The following PRDM16 variants were observed in gnomAD, a reference collection of about 807,000 sequenced individuals.
PRDM16 encodes histone-lysine N-methyltransferase PRDM16.
Under a neutral mutation model 110.6 loss-of-function variants are expected in PRDM16, and 23 were observed. The observed-to-expected ratio is 0.21, with a 90% CI of 0.15 to 0.29. The LOEUF is 0.29. Among genes scored for constraint, PRDM16 ranks in the 10% least tolerant of loss-of-function variants. The probability of loss-of-function intolerance (pLI) is 1.00; values close to 1 mark genes in which losing one functional copy is unlikely to be tolerated. For synonymous variants in PRDM16, 799 were observed against 781.8 expected, an observed-to-expected ratio of 1.02 and a Z score of -0.37; for missense variants, 1,615 against 1,794.3, an observed-to-expected ratio of 0.90 and a Z score of 1.81.
In PRDM16 at chr1:3,209,398, G is replaced by A. The variant is rs992094272; in HGVS notation, c.387+22924G>A. On this transcript the variant is annotated intron_variant, in intron 2 of 16. Transcript: ENST00000270722. The surrounding 1 kb of genome is among the most constrained non-coding windows in gnomAD (Gnocchi z 4.6). ...ACACCTGCCCCGAGTCACCTGGGAC[G>A]GACTGCAGCCAGCCAGCTCTCCCTT... is the stretch of plus-strand genomic sequence containing the variant. Among the ~76,000 whole-genome samples, 8 of 152,172 alleles carry A rather than the reference G, an allele frequency of 5.3e-5. No homozygotes were observed. The highest frequency in any genetic ancestry group is 2.4e-5 in the African/African-American group (1 of 41,430).
chr1:3,114,276 G>A (rs1400509018), intron 1 of PRDM16, among the ~76,000 whole-genome samples: 4 of 125,906 alleles, frequency 3.2e-5, no homozygotes, highest in African/African-American at 9.4e-5. Flanking sequence ...GTACACACAC[G>A]CACACACGCA....
chr1:3,147,135 T>C (rs1014528574), intron 1 of PRDM16, among the ~76,000 whole-genome samples: 1 of 148,782 alleles, frequency 6.7e-6, no homozygotes, highest in South Asian at 2.1e-4. Flanking sequence ...AGTGTGTGTG[T>C]GCATGTGTGT....
chr1:3,130,627 CT>C lies in PRDM16; in HGVS notation c.38-55497del, dbSNP rs201869892. Among the ~76,000 whole-genome samples the C allele has an allele frequency of 1.3e-3, 205 of 152,238 alleles. 3 individuals carry two copies. In the East Asian group the frequency reaches 0.022, roughly 16 times the overall value. ...TGCTTCATGCGCCCCACGCACAGCT[CT>C]GCGCTTTCTGTAACTCGCCGCCTTC... On this transcript the variant is annotated intron_variant, in intron 1 of 16. Coordinates refer to ENST00000270722, the MANE Select transcript of PRDM16 (RefSeq NM_022114.4).
chr1:3,352,185 G>T (rs1430288644), intron 3 of PRDM16, among the ~76,000 whole-genome samples: 1 of 152,162 alleles, frequency 6.6e-6, no homozygotes, highest in Non-Finnish European at 1.5e-5. Context: ...TGCAGGGTGT[G>T]GGCCCTTCTC....
At chr1:3,180,102 G>A (rs968387453) in intron 1 of PRDM16, among the ~76,000 whole-genome samples, 6 of 151,986 alleles carry the variant, frequency 3.9e-5, no homozygotes, top group African/African-American at 1.5e-4. Flanking sequence ...GGATTCCCTC[G>A]TGTTTCTCAG....
chr1:3,368,204 G>C (rs1642849089), intron 3 of PRDM16, among the ~76,000 whole-genome samples: 1 of 152,194 alleles, frequency 6.6e-6, no homozygotes, highest in South Asian at 2.1e-4. Context: ...GCTGACGCAG[G>C]CACCTGACAT....
intron 1 of PRDM16, among the ~76,000 whole-genome samples, chr1:3,132,504 C>T (rs1203955200): frequency 2.6e-5 from 4 of 152,168 alleles, no homozygotes; most frequent in Non-Finnish European, 5.9e-5. Context: ...TGGGCAGTTC[C>T]TCACCCTGAG....
chr1:3,421,287 C>A (rs1341435971), intron 12 of PRDM16, among the ~76,000 whole-genome samples: 3 of 152,160 alleles, frequency 2.0e-5, no homozygotes, highest in African/African-American at 7.2e-5. Flanking sequence ...CCCTGACCTG[C>A]CCATACTCTG....
At chr1:3,271,631 G>A (rs558243377) in intron 3 of PRDM16, among the ~76,000 whole-genome samples, 49 of 152,280 alleles carry the variant, frequency 3.2e-4, no homozygotes, top group Non-Finnish European at 4.9e-4. Flanking sequence ...AGGGGCCCTG[G>A]CAGAGAACCA....
At chr1:3,070,330 C>T (rs887949172) in intron 1 of PRDM16, among the ~76,000 whole-genome samples, 13 of 148,894 alleles carry the variant, frequency 8.7e-5, no homozygotes, top group African/African-American at 2.9e-4. Flanking sequence ...CGCCACAGCG[C>T]CTCCGAGCAG....
chr1:3,313,639 G>A (rs1375425395), intron 3 of PRDM16, among the ~76,000 whole-genome samples: 1 of 152,184 alleles, frequency 6.6e-6, no homozygotes, highest in African/African-American at 2.4e-5. Context: ...TGCGGACCCC[G>A]CTCCACTCAC....
chr1:3,414,477 C>T lies in PRDM16; in HGVS notation c.2604-83C>T, dbSNP rs544880284. 99 of 1,008,248 alleles carry T rather than the reference C, an allele frequency of 9.8e-5. 1 individual carries two copies. In the East Asian group the frequency reaches 1.6e-3, roughly 17 times the overall value. 62.5% of individuals were successfully genotyped at this position (1,008,248 alleles called of 1,614,324 possible). ...GTGACTGGCCAGGTATATGGTCAGG[C>T]GGGGTGGGCGGCTCTGTGGAGCGGG... On this transcript the variant is annotated intron_variant, in intron 9 of 16. Coordinates refer to ENST00000270722, the MANE Select transcript of PRDM16 (RefSeq NM_022114.4).
chr1:3,189,814 C>T (rs1246339831), intron 2 of PRDM16, among the ~76,000 whole-genome samples: 8 of 152,120 alleles, frequency 5.3e-5, no homozygotes, highest in Admixed American at 5.2e-4. Context: ...GGCAGCAGCC[C>T]CTGCAGGAAC....
Position 3,272,519 on chromosome 1 carries a change from G to T in PRDM16, c.438+28382G>T, listed in dbSNP as rs377535103. ...GGGACCTCGGGGAGGCTCGCACTGG[G>T]GGCTCGGGAAACACCCGCCTCCTGG... is the stretch of plus-strand genomic sequence containing the variant. On this transcript the variant is annotated intron_variant, in intron 3 of 16. Coordinates refer to ENST00000270722, the MANE Select transcript of PRDM16 (RefSeq NM_022114.4). 5.6e-4 allele frequency among the ~76,000 whole-genome samples: 85 copies of T among 152,290 alleles called. 1 individual carries two copies. In the South Asian group the frequency reaches 0.018, roughly 32 times the overall value.
rs1021443532 is a variant in PRDM16, at chr1:3,069,550, C to T, written c.37+254C>T. 6.7e-6 allele frequency among the ~76,000 whole-genome samples: 1 copy of T among 149,244 alleles called. No individual in the cohort carries two copies. Among genetic ancestry groups the T allele is most frequent in the South Asian group, 2.1e-4 (1 of 4,782 alleles). On this transcript the variant is annotated intron_variant, in intron 1 of 16. Transcript: ENST00000270722. The surrounding 1 kb of genome is among the most constrained non-coding windows in gnomAD (Gnocchi z 6.1). ...CCCTCCCCGCGGAACCCCCTCCCCC[C>T]CCACCAGTGTCAGGCGCTCGGGCCC...
In PRDM16 at chr1:3,436,553, G is replaced by A. The variant is rs1638914890; in HGVS notation, c.*2742G>A. 1 of 231,660 alleles carries A rather than the reference G, an allele frequency of 4.3e-6. No individual in the cohort carries two copies. The highest frequency in any genetic ancestry group is 2.2e-5 in the African/African-American group (1 of 45,210). The allele number at this position is 231,660 out of a possible 1,614,324, so 14.4% of individuals were successfully genotyped here. ...GTTCTTAGAGCCCCTGACAAAGGCA[G>A]CACTTATTTCCTGGGCTGGTGCGCC... is the stretch of plus-strand genomic sequence containing the variant. On this transcript the variant is annotated 3_prime_UTR_variant, in exon 17 of 17. Transcript: ENST00000270722.
At chr1:3,231,482 C>A (rs377508885) in intron 2 of PRDM16, among the ~76,000 whole-genome samples, 5 of 100,430 alleles carry the variant, frequency 5.0e-5, no homozygotes, top group Non-Finnish European at 8.8e-5. Flanking sequence ...CAGATGAGGG[C>A]GTCGAGGCTG....
intron 1 of PRDM16, among the ~76,000 whole-genome samples, chr1:3,107,101 G>A (rs1210632263): frequency 1.3e-5 from 2 of 152,254 alleles, no homozygotes; most frequent in Non-Finnish European, 2.9e-5. Flanking sequence ...GGTGCCCCAG[G>A]AATTTTGGTG....
chr1:3,415,934 G>A (rs1336202357), intron 10 of PRDM16, among the ~76,000 whole-genome samples: 3 of 152,244 alleles, frequency 2.0e-5, no homozygotes, highest in Non-Finnish European at 2.9e-5. Flanking sequence ...CTGCTGCTCC[G>A]GGCTGCGGAG....
Sources: allele counts gnomAD v4.1 joint callset (sites outside exome capture counted in the v4.1 genomes callset), GRCh38; gene constraint gnomAD v4.1.1; non-coding constraint Gnocchi (gnomAD v3.1); transcripts MANE v1.5; gene names NCBI Gene and HGNC (gene_info 2026-07-23, HGNC 2026-07-21).